The following DNAH17 variants were observed in gnomAD, a reference collection of about 807,000 sequenced individuals.
The protein encoded by DNAH17 is dynein axonemal heavy chain 17.
In DNAH17, 376 loss-of-function variants were observed where a neutral mutation model predicts 485.6. The observed-to-expected ratio is 0.77, with a 90% CI of 0.71 to 0.84. DNAH17 has a LOEUF of 0.84. Among genes scored for constraint, DNAH17 ranks in the 40% least tolerant of loss-of-function variants. The pLI, the probability that DNAH17 is intolerant of heterozygous loss-of-function variation, is 0.00. For synonymous variants in DNAH17, 3,031 were observed against 2,405.9 expected, an observed-to-expected ratio of 1.26 and a Z score of -7.60; for missense variants, 6,370 against 5,839.3, an observed-to-expected ratio of 1.09 and a Z score of -2.96.
intron 13 of DNAH17, among the ~76,000 whole-genome samples, chr17:78,559,350 G>A (rs975267770): frequency 6.6e-6 from 1 of 152,266 alleles, no homozygotes; most frequent in African/African-American, 2.4e-5. Flanking sequence ...CTCCCCTGTG[G>A]CCTCTGCCCC....
chr17:78,501,037 T>G, intron 35 of DNAH17, 147 bp downstream of exon 35: 2 of 924,922 alleles, frequency 2.2e-6, no homozygotes, highest in East Asian at 2.7e-5. Flanking sequence ...GACACAGTGG[T>G]AGAACTGAAT....
rs373189348 is a variant in DNAH17 at position 78,525,014 on chromosome 17, C to T, written c.3859G>A (p.Val1287Ile). ...RLLKELWDMV[V>I]VVNTSIEDWK... Reference sequence around the variant, plus strand: ...GCGGCGTGCCCTGCACTCACCACAACAACCATGTCCCAGAGCTCCTTCAGT... The same window carrying T: ...GCGGCGTGCCCTGCACTCACCACAATAACCATGTCCCAGAGCTCCTTCAGT... Residue 1287 changes from valine to isoleucine, a missense_variant, in exon 25 of 81, where the codon GTT becomes ATT. Physicochemically the swap from Val to Ile is conservative, Grantham distance 29 (BLOSUM62 3). Coordinates refer to ENST00000389840, the MANE Select transcript of DNAH17 (RefSeq NM_173628.4). The T allele has an allele frequency of 2.9e-5, 46 of 1,612,408 alleles. No homozygotes were observed. The highest frequency in any genetic ancestry group is 3.8e-5 in the Non-Finnish European group (45 of 1,178,966).
At chr17:78,549,309 G>C (rs989596292) in intron 16 of DNAH17, among the ~76,000 whole-genome samples, 1 of 152,126 alleles carries the variant, frequency 6.6e-6, no homozygotes, top group South Asian at 2.1e-4. Context: ...GAGGCACATC[G>C]AGAAGGCAGC....
Position 78,483,288 on chromosome 17 carries a change from G to A in DNAH17, c.7649+1580C>T, listed in dbSNP as rs546051898. On this transcript the variant is annotated intron_variant, in intron 48 of 80. Coordinates refer to ENST00000389840, the MANE Select transcript of DNAH17 (RefSeq NM_173628.4). ...TATAGTCGTGAGCTCTGGGAGTGTC[G>A]TTTAGTGAGGAAAAGGCAAGTGATG... Among the ~76,000 whole-genome samples the A allele has an allele frequency of 4.6e-5, 7 of 152,278 alleles. No homozygotes were observed. The South Asian group carries it at 8.3e-4, about 18-fold the overall frequency.
In DNAH17 at chr17:78,479,681, G is replaced by C. The variant is rs764347193; in HGVS notation, c.7753-49C>G. The C allele has an allele frequency of 3.7e-6, 6 of 1,604,496 alleles. No individual in the cohort carries two copies. In the East Asian group the frequency reaches 1.3e-4, roughly 36 times the overall value. ...CCAGTCAGCCAGCTCTTGGGGACCT[G>C]CCTGGGGCCAGGGCCACCTTCGCGG... On this transcript the variant is annotated intron_variant, in intron 49 of 80. Coordinates refer to ENST00000389840, the MANE Select transcript of DNAH17 (RefSeq NM_173628.4).
intron 51 of DNAH17, among the ~76,000 whole-genome samples, chr17:78,478,473 TCAC>T (rs1465934180): frequency 1.1e-4 from 16 of 147,408 alleles, no homozygotes; most frequent in East Asian, 4.1e-4. Flanking sequence ...ATTGCCATCA[TCAC>T]CACCATCACT....
chr17:78,499,288 A>G, intron 36 of DNAH17, 176 bp from the exon 37 acceptor site: 1 of 475,268 alleles, frequency 2.1e-6, no homozygotes, highest in African/African-American at 2.0e-5. Context: ...GCCCAGGGTA[A>G]CACCGTGGAG....
In DNAH17 at chr17:78,529,479, T is replaced by G; in HGVS notation, c.3500A>C (p.Lys1167Thr). The G allele has an allele frequency of 6.2e-7, 1 of 1,613,868 alleles. No homozygotes were observed. The highest frequency in any genetic ancestry group is 8.5e-7 in the Non-Finnish European group (1 of 1,179,850). The change falls in exon 22 of 81, where the codon AAG becomes ACG. Residue 1167 changes from lysine (K) to threonine (T), a missense_variant. By Grantham distance (78) the Lys-to-Thr change is moderately conservative (BLOSUM62 -1). Transcript: ENST00000389840. ...CACCCACCCACCACGTACCTGCAGCTTCAAGTGGATCTCCTCTGGCATCTC... is the reference window on the plus strand; with the variant it reads ...CACCCACCCACCACGTACCTGCAGCGTCAAGTGGATCTCCTCTGGCATCTC... Reference protein sequence around the residue: ...GEEMPEEIHLKLQELPEHWAN... With the variant: ...GEEMPEEIHLTLQELPEHWAN...
intron 77 of DNAH17, among the ~76,000 whole-genome samples, chr17:78,428,085 T>TA (rs144468228): frequency 0.16 from 23,753 of 151,946 alleles, 1,979 homozygotes; most frequent in Middle Eastern, 0.2. Flanking sequence ...CTTTGAGCAG[T>TA]AACAGGACCT....
chr17:78,574,196 C>G (rs866119025), intron 2 of DNAH17, among the ~76,000 whole-genome samples: 37 of 152,294 alleles, frequency 2.4e-4, no homozygotes, highest in Middle Eastern at 6.8e-3. Flanking sequence ...TCTTGTTAGA[C>G]AGCAGGTCTG....
chr17:78,472,297 A>AAT, intron 54 of DNAH17, among the ~76,000 whole-genome samples: 3 of 138,848 alleles, frequency 2.2e-5, no homozygotes, highest in African/African-American at 9.3e-5. Context: ...AGGGTTAGGG[A>AAT]GTGGGGGTGC....
chr17:78,434,604 A>C (rs2086798420), intron 74 of DNAH17, among the ~76,000 whole-genome samples: 1 of 152,022 alleles, frequency 6.6e-6, no homozygotes, highest in Non-Finnish European at 1.5e-5. Context: ...CAAACTCTAA[A>C]AACAACTGGT....
At chr17:78,457,729 C>T (rs937417165) in intron 62 of DNAH17, among the ~76,000 whole-genome samples, 4 of 147,838 alleles carry the variant, frequency 2.7e-5, no homozygotes, top group East Asian at 2.0e-4. Flanking sequence ...GGCGCGATCT[C>T]GGCTCACTGC....
At chr17:78,485,158 C>A in intron 47 of DNAH17, 125 bp from the exon 48 acceptor site, 1 of 1,275,058 alleles carries the variant, frequency 7.8e-7, no homozygotes, top group Non-Finnish European at 1.1e-6. Flanking sequence ...CCAAGTTTAC[C>A]AAAGGTACCT....
chr17:78,495,882 A>C lies in DNAH17; in HGVS notation c.5896T>G (p.Leu1966Val), dbSNP rs1482779744. ...RAELPENLKALFRPCAMVVPD... is the reference protein window; with the variant it reads ...RAELPENLKAVFRPCAMVVPD... ...TTCACCTGGGCCACGTACCTGAATAAGGCTTTTAGGTTCTCAGGCAGCTCC... is the reference window on the plus strand; with the variant it reads ...TTCACCTGGGCCACGTACCTGAATACGGCTTTTAGGTTCTCAGGCAGCTCC... Residue 1966 changes from leucine to valine, a missense_variant, in exon 38 of 81, where the codon TTA becomes GTA. Physicochemically the swap from Leu to Val is conservative, Grantham distance 32. Transcript: ENST00000389840. 6.2e-7 allele frequency: 1 copy of C among 1,612,844 alleles called. No homozygotes were observed. The highest frequency in any genetic ancestry group is 8.5e-7 in the Non-Finnish European group (1 of 1,179,326).
chr17:78,510,297 G>A, intron 27 of DNAH17, 87 bp downstream of exon 27: 2 of 1,566,420 alleles, frequency 1.3e-6, no homozygotes, highest in African/African-American at 1.3e-5. Flanking sequence ...TGGGGCTGCA[G>A]GACCCCTCTG....
chr17:78,536,271 C>T (rs943343093), intron 19 of DNAH17, among the ~76,000 whole-genome samples: 1 of 151,518 alleles, frequency 6.6e-6, no homozygotes, highest in African/African-American at 2.4e-5. Context: ...AACCCCGTCT[C>T]TACTAAAAAT....
In DNAH17 at chr17:78,449,450, C is replaced by T; in HGVS notation, c.11175G>A (p.Arg3725=). The part of the protein sequence containing the change: ...YMYTARGLFE[R]DKLIFLAQVT... ...CTTGTGCCAGGAAAATGAGTTTGTC[C>T]CTCTCGAAGAGTCCCCGGGCCGTGT... is the stretch of plus-strand genomic sequence containing the variant. Residue 3725 remains arginine, a synonymous_variant, in exon 69 of 81, where the codon AGG becomes AGA. Transcript: ENST00000389840. 1 of 1,552,260 alleles carries T rather than the reference C, an allele frequency of 6.4e-7. No homozygotes were observed. The highest frequency in any genetic ancestry group is 1.2e-5 in the South Asian group (1 of 84,064).
rs896277299 is a variant in DNAH17 at position 78,569,106 on chromosome 17, G to A, written c.1284+60C>T. 24 of 1,356,686 alleles carry A rather than the reference G, an allele frequency of 1.8e-5. No individual in the cohort carries two copies. In the Admixed American group the frequency reaches 4.6e-4, roughly 26 times the overall value. 84.0% of individuals were successfully genotyped at this position (1,356,686 alleles called of 1,614,324 possible). A position where few individuals can be genotyped will look rare whatever the true frequency, so the allele number is the denominator to read the frequency against. Reference sequence around the variant, plus strand: ...GGGGGTAGGGATGGACGCTGCAGGTGTCCTAGGGTAGGAGCAGTCTGGGAA... The same window carrying A: ...GGGGGTAGGGATGGACGCTGCAGGTATCCTAGGGTAGGAGCAGTCTGGGAA... On this transcript the variant is annotated intron_variant, in intron 9 of 80. Coordinates refer to ENST00000389840, the MANE Select transcript of DNAH17 (RefSeq NM_173628.4).
Sources: gnomAD v4.1 joint callset for allele counts (sites outside exome capture counted in the v4.1 genomes callset) on GRCh38, gnomAD v4.1.1 for gene constraint, MANE v1.5 for transcripts, NCBI Gene and HGNC (gene_info 2026-07-23, HGNC 2026-07-21) for gene names.